The following SNX29 variants were observed in gnomAD, a reference collection of about 807,000 sequenced individuals.
SNX29 encodes the protein sorting nexin 29, also known as sorting nexin-29.
Under a neutral mutation model 102.1 loss-of-function variants are expected in SNX29, and 78 were observed. That is an observed-to-expected ratio of 0.76 (90% CI 0.64 to 0.92). The LOEUF is 0.92. Among genes scored for constraint, SNX29 ranks in the 40% least tolerant of loss-of-function variants. The pLI is 0.00. For synonymous variants in SNX29, 580 were observed against 414.5 expected (o/e 1.40, Z -4.85); for missense variants, 1,280 against 1,061.7 (o/e 1.21, Z -2.86).
intron 16 of SNX29, among the ~76,000 whole-genome samples, chr16:12,385,364 A>G (rs1331686680): frequency 6.6e-6 from 1 of 152,220 alleles, no homozygotes; most frequent in Non-Finnish European, 1.5e-5. Flanking sequence ...ATCCTGAGAC[A>G]ACTTGTTCAT....
chr16:12,044,318 C>G (rs999117090), intron 5 of SNX29, among the ~76,000 whole-genome samples: 2 of 152,140 alleles, frequency 1.3e-5, no homozygotes, highest in African/African-American at 4.8e-5. Context: ...GCTGTGGTCA[C>G]CTCTCTACTG....
intron 15 of SNX29, among the ~76,000 whole-genome samples, chr16:12,307,924 C>G (rs1596843875): frequency 6.6e-6 from 1 of 152,212 alleles, no homozygotes; most frequent in African/African-American, 2.4e-5. Flanking sequence ...GGTGGGCTTC[C>G]TCTGCAATCA....
intron 18 of SNX29, among the ~76,000 whole-genome samples, chr16:12,460,366 A>G (rs1272936130): frequency 6.6e-6 from 1 of 152,206 alleles, no homozygotes. Context: ...AGTCCATTAT[A>G]TTCTCACTGA....
At chr16:12,446,198 G>C (rs551805865) in intron 18 of SNX29, among the ~76,000 whole-genome samples, 1 of 152,156 alleles carries the variant, frequency 6.6e-6, no homozygotes, top group South Asian at 2.1e-4. Flanking sequence ...TGGGACTAGA[G>C]TCGTGCACCA....
At chr16:12,035,766 G>C (rs2057455783) in intron 4 of SNX29, among the ~76,000 whole-genome samples, 1 of 152,240 alleles carries the variant, frequency 6.6e-6, no homozygotes, top group South Asian at 2.1e-4. Context: ...GCTGTGGTAT[G>C]TAGTCCTTTA....
At chr16:12,264,609 C>G (rs1463928742) in intron 14 of SNX29, among the ~76,000 whole-genome samples, 1 of 152,166 alleles carries the variant, frequency 6.6e-6, no homozygotes, top group Admixed American at 6.5e-5. Flanking sequence ...AGGTGAAACC[C>G]TGTCTCTACT....
chr16:12,477,182 C>G (rs527559802), intron 18 of SNX29, among the ~76,000 whole-genome samples: 3 of 152,186 alleles, frequency 2.0e-5, no homozygotes, highest in Non-Finnish European at 4.4e-5. Flanking sequence ...CATCTGGACA[C>G]GGCATTCGGT....
At chr16:12,313,712 C>A (rs1431541018) in intron 15 of SNX29, among the ~76,000 whole-genome samples, 9 of 152,240 alleles carry the variant, frequency 5.9e-5, no homozygotes, top group Admixed American at 5.2e-4. Context: ...GTTGCATCCC[C>A]CACACCTCAC....
At chr16:12,132,902 A>G (rs1318037795) in intron 13 of SNX29, among the ~76,000 whole-genome samples, 1 of 152,228 alleles carries the variant, frequency 6.6e-6, no homozygotes, top group Non-Finnish European at 1.5e-5. Flanking sequence ...GACATGTTCC[A>G]GATAGAGTTA....
intron 3 of SNX29, among the ~76,000 whole-genome samples, chr16:12,016,251 G>C (rs910575451): frequency 2.0e-5 from 3 of 152,154 alleles, no homozygotes; most frequent in Admixed American, 2.0e-4. Context: ...CTTTGTTTCT[G>C]ATTTTTACTA....
chr16:12,034,839 T>C (rs1442593885), intron 4 of SNX29, among the ~76,000 whole-genome samples: 2 of 152,176 alleles, frequency 1.3e-5, no homozygotes, highest in East Asian at 1.9e-4. Context: ...GGTGAAACCC[T>C]GTCTCCATTA....
In SNX29 at chr16:12,064,868, T is replaced by C. The variant is rs149443643; in HGVS notation, c.1243+3222T>C. 3.9e-5 allele frequency among the ~76,000 whole-genome samples: 6 copies of C among 152,378 alleles called. No homozygotes were observed. The East Asian group carries it at 9.6e-4, about 24-fold the overall frequency. Reference sequence around the variant, plus strand: ...GGGACATCTTCCTTCCTTAGAGATATTCTGACATTCCCTCTCATTCTGGAG... The same window carrying C: ...GGGACATCTTCCTTCCTTAGAGATACTCTGACATTCCCTCTCATTCTGGAG... On this transcript the variant is annotated intron_variant, in intron 9 of 20. Transcript: ENST00000566228.
intron 19 of SNX29, among the ~76,000 whole-genome samples, chr16:12,493,599 T>C (rs1597598209): frequency 6.6e-6 from 1 of 152,180 alleles, no homozygotes; most frequent in African/African-American, 2.4e-5. Flanking sequence ...AGAGAGGGCG[T>C]TGTTGTTGTT....
chr16:11,997,737 C>T (rs960138707), intron 1 of SNX29, among the ~76,000 whole-genome samples: 4 of 152,156 alleles, frequency 2.6e-5, no homozygotes, highest in Non-Finnish European at 4.4e-5. Context: ...CCTCAGCCTT[C>T]CAAAGTGCTG....
chr16:12,254,926 C>G (rs990438169), intron 14 of SNX29, among the ~76,000 whole-genome samples: 1 of 152,128 alleles, frequency 6.6e-6, no homozygotes, highest in Non-Finnish European at 1.5e-5. Context: ...GGAGACAGCT[C>G]TTTCCAGGAG....
rs572270451 is a variant in SNX29, at chr16:12,120,421, C to T, written c.1403-6212C>T. ...GTATATATGTGAGAGAGTGTGTGTGCGCACACATGCGTCCACACGTCACCC... is the reference window on the plus strand; with the variant it reads ...GTATATATGTGAGAGAGTGTGTGTGTGCACACATGCGTCCACACGTCACCC... On this transcript the variant is annotated intron_variant, in intron 11 of 20. Transcript: ENST00000566228. Among the ~76,000 whole-genome samples, 28 of 152,272 alleles carry T rather than the reference C, an allele frequency of 1.8e-4. No homozygotes were observed. In the South Asian group the frequency reaches 4.8e-3, roughly 26 times the overall value.
At chr16:12,433,710 G>A (rs948035772) in intron 18 of SNX29, among the ~76,000 whole-genome samples, 20 of 151,918 alleles carry the variant, frequency 1.3e-4, no homozygotes, top group Middle Eastern at 6.9e-3. Context: ...TGTAATCCCA[G>A]GTACTTCGGA....
At chr16:12,541,430 C>A (rs1161621938) in intron 20 of SNX29, among the ~76,000 whole-genome samples, 1 of 152,144 alleles carries the variant, frequency 6.6e-6, no homozygotes, top group Non-Finnish European at 1.5e-5. Context: ...CATGGAAGGT[C>A]ATCAATGTCT....
At chr16:11,986,178 G>A (rs886891923) in intron 1 of SNX29, among the ~76,000 whole-genome samples, 2 of 151,976 alleles carry the variant, frequency 1.3e-5, no homozygotes, top group East Asian at 3.9e-4. Flanking sequence ...TTTGAATCCT[G>A]CAAGGGGAGT....
Sources: gnomAD v4.1 joint callset for allele counts (sites outside exome capture counted in the v4.1 genomes callset) on GRCh38, gnomAD v4.1.1 for gene constraint, MANE v1.5 for transcripts, NCBI Gene and HGNC (gene_info 2026-07-23, HGNC 2026-07-21) for gene names.